The following CDH13 variants were observed in gnomAD, a reference collection of about 807,000 sequenced individuals.
CDH13 encodes the protein cadherin 13.
In CDH13, 24 loss-of-function variants were observed where a neutral mutation model predicts 63.8. The ratio of observed to expected loss-of-function variants is 0.38; its 90% CI spans 0.27 to 0.53. CDH13 has a LOEUF of 0.53. Among genes scored for constraint, CDH13 ranks in the 20% least tolerant of loss-of-function variants. The probability of loss-of-function intolerance (pLI) is 0.85; values close to 1 mark genes in which losing one functional copy is unlikely to be tolerated. For missense variants in CDH13, 1,049 were observed against 903.1 expected, an observed-to-expected ratio of 1.16 and a Z score of -2.07; for synonymous variants, 503 against 355.3, an observed-to-expected ratio of 1.42 and a Z score of -4.67.
chr16:83,272,377 C>T lies in CDH13; in HGVS notation c.636+54880C>T, dbSNP rs560955476. On this transcript the variant is annotated intron_variant, in intron 5 of 13. Coordinates refer to ENST00000567109, the MANE Select transcript of CDH13 (RefSeq NM_001257.5). The stretch of plus-strand genomic sequence containing the variant: ...TCCCTGAGTAATGTGAGACTGTGAA[C>T]CAGGAGGACAGCGTTCCAGGCAGAG... 9.2e-5 allele frequency among the ~76,000 whole-genome samples: 14 copies of T among 152,296 alleles called. No homozygotes were observed. In the South Asian group the frequency reaches 1.7e-3, roughly 18 times the overall value.
chr16:83,195,823 G>T (rs2038863050), intron 4 of CDH13, among the ~76,000 whole-genome samples: 1 of 152,198 alleles, frequency 6.6e-6, no homozygotes, highest in South Asian at 2.1e-4. Context: ...ACACAAACGT[G>T]TCCAACTGCT....
At chr16:83,299,029 C>A (rs2089667916) in intron 5 of CDH13, among the ~76,000 whole-genome samples, 1 of 152,122 alleles carries the variant, frequency 6.6e-6, no homozygotes, top group Non-Finnish European at 1.5e-5. Context: ...AATATTCCTA[C>A]CACCAAAAGA....
chr16:82,836,372 A>G (rs1488258869), intron 1 of CDH13, among the ~76,000 whole-genome samples: 1 of 151,110 alleles, frequency 6.6e-6, no homozygotes, highest in Non-Finnish European at 1.5e-5. Flanking sequence ...CTGGTCTTGA[A>G]CTCCTGACCT....
chr16:83,726,407 T>G (rs1195543699), intron 10 of CDH13: 1 of 151,308 alleles, frequency 6.6e-6, no homozygotes, highest in Non-Finnish European at 1.5e-5. Flanking sequence ...TTGTTCATTC[T>G]CCAGACAAAT....
chr16:83,027,725 C>G (rs1483137070), intron 2 of CDH13, among the ~76,000 whole-genome samples: 7 of 152,132 alleles, frequency 4.6e-5, no homozygotes, highest in African/African-American at 1.7e-4. Context: ...CCCACATTGC[C>G]TGGGCTTAGC....
At chr16:83,323,976 A>G (rs1019569) in intron 5 of CDH13, among the ~76,000 whole-genome samples, 86,460 of 151,448 alleles carry the variant, frequency 0.57, 24,724 homozygotes, top group Middle Eastern at 0.68. Context: ...AAAGTGTACA[A>G]TTCATTGGTT....
intron 5 of CDH13, among the ~76,000 whole-genome samples, chr16:83,305,287 G>T (rs2089848597): frequency 6.6e-6 from 1 of 152,208 alleles, no homozygotes. Context: ...AAGCAGGGGA[G>T]TGAGGAAATT....
chr16:82,694,358 T>C (rs2029994755), intron 1 of CDH13, among the ~76,000 whole-genome samples: 1 of 152,236 alleles, frequency 6.6e-6, no homozygotes, highest in African/African-American at 2.4e-5. Context: ...CCCAACATTT[T>C]TTTATGGACT....
At chr16:83,478,286 C>T (rs904150521) in intron 6 of CDH13, among the ~76,000 whole-genome samples, 1 of 152,148 alleles carries the variant, frequency 6.6e-6, no homozygotes, top group African/African-American at 2.4e-5. Context: ...TTGCCACCAA[C>T]CCCACCTCTC....
chr16:83,460,335 A>G (rs2073142638), intron 6 of CDH13, among the ~76,000 whole-genome samples: 1 of 152,256 alleles, frequency 6.6e-6, no homozygotes. Flanking sequence ...ACAGTTTGTC[A>G]TTATCTACCA....
At chr16:83,446,382 TAGA>T (rs1291877474) in intron 6 of CDH13, among the ~76,000 whole-genome samples, 2 of 151,650 alleles carry the variant, frequency 1.3e-5, no homozygotes, top group Non-Finnish European at 2.9e-5. Flanking sequence ...CCCTTAGGCA[TAGA>T]TGGTCAGCTG....
At chr16:83,441,544 A>C (rs2072480260) in intron 6 of CDH13, among the ~76,000 whole-genome samples, 1 of 152,200 alleles carries the variant, frequency 6.6e-6, no homozygotes, top group South Asian at 2.1e-4. Flanking sequence ...AGTTTTTATG[A>C]TAAATGAGGA....
chr16:83,299,324 C>T (rs186954317), intron 5 of CDH13, among the ~76,000 whole-genome samples: 15 of 150,774 alleles, frequency 9.9e-5, no homozygotes, highest in Admixed American at 4.0e-4. Context: ...TTCCCCAGAA[C>T]ATTATAAGGA....
intron 7 of CDH13, among the ~76,000 whole-genome samples, chr16:83,517,032 T>C (rs1462386073): frequency 6.6e-6 from 1 of 152,168 alleles, no homozygotes; most frequent in Non-Finnish European, 1.5e-5. Flanking sequence ...TCTGGATACA[T>C]TGACTGTCGT....
At chr16:83,152,149 T>A (rs1337691896) in intron 4 of CDH13, among the ~76,000 whole-genome samples, 3 of 152,198 alleles carry the variant, frequency 2.0e-5, no homozygotes, top group African/African-American at 7.2e-5. Context: ...TAAACTGCTG[T>A]GAAATACATA....
At chr16:82,933,836 C>CT (rs2042579605) in intron 2 of CDH13, among the ~76,000 whole-genome samples, 2 of 152,338 alleles carry the variant, frequency 1.3e-5, no homozygotes, top group African/African-American at 2.4e-5. Context: ...AAATAATCTC[C>CT]TTTGACTCTG....
intron 1 of CDH13, among the ~76,000 whole-genome samples, chr16:82,856,146 G>C (rs1353534270): frequency 1.3e-5 from 2 of 152,066 alleles, no homozygotes; most frequent in African/African-American, 2.4e-5. Context: ...GGAGGCCGAG[G>C]TGGGTGGATC....
intron 1 of CDH13, among the ~76,000 whole-genome samples, chr16:82,687,229 A>G (rs1915168736): frequency 6.6e-6 from 1 of 152,196 alleles, no homozygotes; most frequent in African/African-American, 2.4e-5. Flanking sequence ...GAAGGTGTGT[A>G]AAGGAGGAGG....
chr16:83,456,028 G>T (rs1367331499), intron 6 of CDH13, among the ~76,000 whole-genome samples: 1 of 152,232 alleles, frequency 6.6e-6, no homozygotes, highest in African/African-American at 2.4e-5. Flanking sequence ...TGTCTTCAGC[G>T]AGGCTGGAGT....
Sources: allele counts gnomAD v4.1 joint callset (sites outside exome capture counted in the v4.1 genomes callset), GRCh38; gene constraint gnomAD v4.1.1; transcripts MANE v1.5; gene names NCBI Gene and HGNC (gene_info 2026-07-23, HGNC 2026-07-21).